Variants in NRP2 observed in about 807,000 individuals in gnomAD.
NRP2 encodes neuropilin 2.
Under a neutral mutation model 110.4 loss-of-function variants are expected in NRP2, and 52 were observed. The observed-to-expected ratio is 0.47, with a 90% confidence interval of 0.38 to 0.59. The LOEUF is 0.59. Among genes scored for constraint, NRP2 ranks in the 20% least tolerant of loss-of-function variants. The probability of loss-of-function intolerance (pLI) is 0.00; values close to 1 mark genes in which losing one functional copy is unlikely to be tolerated. For synonymous variants in NRP2, 508 were observed against 468.9 expected (o/e 1.08, Z -1.08); for missense variants, 1,049 against 1,203.0 (o/e 0.87, Z 1.89).
intron 1 of NRP2, among the ~76,000 whole-genome samples, chr2:205,688,568 A>T (rs2056229873): frequency 6.6e-6 from 1 of 152,200 alleles, no homozygotes; most frequent in Admixed American, 6.5e-5. Context: ...CTCCAGGAGA[A>T]AGCATCTTCT....
intron 12 of NRP2, chr2:205,756,403 C>T (rs548433595): frequency 6.6e-6 from 1 of 152,252 alleles, no homozygotes; most frequent in African/African-American, 2.4e-5. Context: ...GATCAAAGCC[C>T]AGCCTTTAAG....
chr2:205,771,457 G>T (rs182854541), intron 15 of NRP2, among the ~76,000 whole-genome samples: 1 of 152,312 alleles, frequency 6.6e-6, no homozygotes, highest in East Asian at 1.9e-4. Context: ...AGAAAGGACT[G>T]TGCAGACAGG....
intron 1 of NRP2, 130 bp downstream of exon 1, chr2:205,683,493 T>C (rs2056063277): frequency 2.8e-6 from 2 of 721,766 alleles, no homozygotes; most frequent in African/African-American, 3.5e-5. Context: ...TAAAGAGAGA[T>C]CCCAGCCGGC....
In NRP2 at chr2:205,770,573, G is replaced by C. The variant is rs568020687; in HGVS notation, c.2425+3770G>C. On this transcript the variant is annotated intron_variant, in intron 15 of 16. Coordinates refer to ENST00000357785, the MANE Select transcript of NRP2 (RefSeq NM_003872.3). ...CCAGGGTAAGGTCCCCCATCCCAGG[G>C]CCTGGCCTCACATTCCCTTTCTCCC... is the stretch of plus-strand genomic sequence containing the variant. Among the ~76,000 whole-genome samples, 94 of 152,224 alleles carry C rather than the reference G, an allele frequency of 6.2e-4. 3 individuals carry two copies. The South Asian group carries it at 0.018, about 29-fold the overall frequency.
chr2:205,696,921 T>C (rs1472601348), intron 1 of NRP2, among the ~76,000 whole-genome samples: 2 of 152,212 alleles, frequency 1.3e-5, no homozygotes, highest in Non-Finnish European at 2.9e-5. Context: ...AATTAAATGT[T>C]TGGGGGGTTT....
chr2:205,790,340 T>A (rs2058285245), intron 15 of NRP2, among the ~76,000 whole-genome samples: 1 of 152,244 alleles, frequency 6.6e-6, no homozygotes, highest in South Asian at 2.1e-4. Flanking sequence ...TTAAGATCAA[T>A]GCCACATTCA....
intron 12 of NRP2, chr2:205,756,854 C>A (rs2057742226): frequency 6.6e-6 from 1 of 152,082 alleles, no homozygotes; most frequent in African/African-American, 2.4e-5. Context: ...GTAAAGTAAG[C>A]AAGTAACATG....
At chr2:205,753,715 T>C (rs1189626786) in intron 12 of NRP2, among the ~76,000 whole-genome samples, 1 of 152,238 alleles carries the variant, frequency 6.6e-6, no homozygotes, top group Admixed American at 6.5e-5. Flanking sequence ...ATAGGCTTTT[T>C]AGGGATTAAA....
chr2:205,795,031 C>T lies in NRP2; in HGVS notation c.2754C>T (p.Asn918=), dbSNP rs2058340024. 2 of 1,614,154 alleles carry T rather than the reference C, an allele frequency of 1.2e-6. No individual in the cohort carries two copies. Among genetic ancestry groups the T allele is most frequent in the African/African-American group, 1.3e-5 (1 of 75,036 alleles). ...GCCTTAAGCACAAGGTCAAGATGAA[C>T]CACCAAAAGTGCTGCTCCGAGGCAT... ...YDGLKHKVKM[N]HQKCCSEA Residue 918 remains asparagine (N), a synonymous_variant, in exon 17 of 17, where the codon AAC becomes AAT. Coordinates refer to ENST00000357785, the MANE Select transcript of NRP2 (RefSeq NM_003872.3).
At chr2:205,791,522 T>G (rs2058301510) in intron 15 of NRP2, among the ~76,000 whole-genome samples, 1 of 152,230 alleles carries the variant, frequency 6.6e-6, no homozygotes, top group African/African-American at 2.4e-5. Context: ...CCCTCCCAAA[T>G]TATCATGAAA....
At chr2:205,719,732 G>A (rs951122606) in intron 3 of NRP2, among the ~76,000 whole-genome samples, 2 of 152,166 alleles carry the variant, frequency 1.3e-5, no homozygotes, top group African/African-American at 4.8e-5. Context: ...CTGCGGGGAA[G>A]GCAAACTCAG....
In NRP2 at chr2:205,686,421, AC is replaced by A. The variant is rs1219939212; in HGVS notation, c.73+3059del. On this transcript the variant is annotated intron_variant, in intron 1 of 16. Coordinates refer to ENST00000357785, the MANE Select transcript of NRP2 (RefSeq NM_003872.3). This position sits in a 1 kb window ranked among gnomAD's most constrained non-coding sequence, Gnocchi z 4.7. ...TTCCACGTGAGAAAAAGAAATGTTC[AC>A]GGCCGATGCTTCATTTTCACTGATT... Among the ~76,000 whole-genome samples, 1 of 152,136 alleles carries A rather than the reference AC, an allele frequency of 6.6e-6. No individual in the cohort carries two copies. The highest frequency in any genetic ancestry group is 1.9e-4 in the East Asian group (1 of 5,176).
intron 16 of NRP2, among the ~76,000 whole-genome samples, chr2:205,793,501 T>G (rs1220759829): frequency 2.0e-5 from 3 of 152,202 alleles, no homozygotes; most frequent in African/African-American, 2.4e-5. Context: ...CACCACTGAC[T>G]GGGTGGCTTA....
intron 11 of NRP2, among the ~76,000 whole-genome samples, chr2:205,751,136 C>T (rs1036258238): frequency 6.6e-6 from 1 of 152,060 alleles, no homozygotes; most frequent in Non-Finnish European, 1.5e-5. Flanking sequence ...AAGTGGAATG[C>T]ATAGGGAGTT....
In NRP2 at chr2:205,682,942, T is replaced by G. The variant is rs565300396; in HGVS notation, c.-349T>G. The G allele has an allele frequency of 1.8e-4, 49 of 269,312 alleles. No individual in the cohort carries two copies. Among genetic ancestry groups the G allele is most frequent in the Admixed American group, 2.0e-4 (4 of 19,874 alleles). The allele number at this position is 269,312 out of a possible 1,614,324, so 16.7% of individuals were successfully genotyped here. A position where few individuals can be genotyped will look rare whatever the true frequency, so the allele number is the denominator to read the frequency against. On this transcript the variant is annotated 5_prime_UTR_variant, in exon 1 of 17. In the 5' UTR this introduces an upstream ATG that the reference lacks. Transcript: ENST00000357785. The surrounding 1 kb of genome is among the most constrained non-coding windows in gnomAD (Gnocchi z 4.3). ...TTTTAATTATTATTATTATCATTAT[T>G]GTTACGCTTGGCTTTCGGGAAATAC...
chr2:205,781,282 C>A (rs1486663064), intron 15 of NRP2, among the ~76,000 whole-genome samples: 1 of 152,226 alleles, frequency 6.6e-6, no homozygotes, highest in Non-Finnish European at 1.5e-5. Context: ...CTGTTACCAC[C>A]AAACACTCCT....
At chr2:205,705,784 C>T (rs1198794193) in intron 2 of NRP2, among the ~76,000 whole-genome samples, 1 of 151,962 alleles carries the variant, frequency 6.6e-6, no homozygotes, top group Non-Finnish European at 1.5e-5. Context: ...CCCAAAGCTG[C>T]CTTTGTATAC....
At chr2:205,710,350 T>A (rs896672289) in intron 2 of NRP2, among the ~76,000 whole-genome samples, 14 of 152,224 alleles carry the variant, frequency 9.2e-5, no homozygotes, top group Non-Finnish European at 1.6e-4. Flanking sequence ...AGCCTCGATG[T>A]CTGCATCTGC....
At chr2:205,723,632 G>A (rs889321232) in intron 4 of NRP2, among the ~76,000 whole-genome samples, 153 bp from the exon 5 acceptor site, 8 of 152,182 alleles carry the variant, frequency 5.3e-5, no homozygotes, top group African/African-American at 1.9e-4. Flanking sequence ...AAAAATATTA[G>A]CCATTGTTCT....
Sources: gnomAD v4.1 joint callset for allele counts (sites outside exome capture counted in the v4.1 genomes callset) on GRCh38, gnomAD v4.1.1 for gene constraint, Gnocchi (gnomAD v3.1) non-coding constraint, MANE v1.5 for transcripts, NCBI Gene and HGNC (gene_info 2026-07-23, HGNC 2026-07-21) for gene names.